Variants in TPRG1 observed in about 807,000 individuals in gnomAD.
TPRG1 encodes tumor protein p63 regulated 1.
In TPRG1, 29 loss-of-function variants were observed where a neutral mutation model predicts 29.3. The ratio of observed to expected loss-of-function variants is 0.99; its 90% CI spans 0.74 to 1.35. TPRG1 has a LOEUF of 1.35. TPRG1 is among the 40% of genes most tolerant of loss of function. The pLI is 0.00. For missense variants in TPRG1, 327 were observed against 335.0 expected (o/e 0.98, Z 0.19); for synonymous variants, 130 against 116.8 (o/e 1.11, Z -0.73).
intron 3 of TPRG1, among the ~76,000 whole-genome samples, chr3:189,136,655 C>T (rs1723782448): frequency 6.6e-6 from 1 of 152,196 alleles, no homozygotes; most frequent in Non-Finnish European, 1.5e-5. Context: ...ACAGCTAGGT[C>T]TCTGCCCTGC....
chr3:189,049,138 G>A (rs978278199), intron 4 of TPRG1, among the ~76,000 whole-genome samples: 3 of 152,134 alleles, frequency 2.0e-5, no homozygotes, highest in Admixed American at 1.3e-4. Context: ...AAAGCCTCCC[G>A]GCCACAACTA....
In TPRG1 at chr3:189,203,335, A is replaced by AT. The variant is rs59584844; in HGVS notation, c.-9-4031dup. ...GTACTTCCTTAAGGCTTTATTTGGG[A>AT]TTTTTTTTTTAATGCTAAAAAAATC... On this transcript the variant is annotated intron_variant, in intron 1 of 5. Coordinates refer to ENST00000345063, the MANE Select transcript of TPRG1 (RefSeq NM_198485.4). 1.3e-3 allele frequency among the ~76,000 whole-genome samples: 189 copies of AT among 148,884 alleles called. 2 individuals carry two copies. In the East Asian group the frequency reaches 0.016, roughly 12 times the overall value.
At chr3:189,059,189 C>T (rs1041906435) in intron 4 of TPRG1, among the ~76,000 whole-genome samples, 1 of 152,110 alleles carries the variant, frequency 6.6e-6, no homozygotes, top group African/African-American at 2.4e-5. Context: ...GAAGTAGTCC[C>T]AAGTTTCCAA....
intron 4 of TPRG1, among the ~76,000 whole-genome samples, chr3:189,291,793 A>G (rs988764909): frequency 1.3e-5 from 2 of 152,364 alleles, no homozygotes; most frequent in Non-Finnish European, 2.9e-5. Context: ...CCTGATCATT[A>G]AGCAGGGCAA....
chr3:189,169,752 G>A (rs938975806), upstream of TPRG1, among the ~76,000 whole-genome samples: 18 of 152,178 alleles, frequency 1.2e-4, no homozygotes, highest in Admixed American at 1.1e-3. Flanking sequence ...TCCCTCAACA[G>A]CCCAGGGAGG....
chr3:189,085,207 A>C (rs950500774), intron 4 of TPRG1, among the ~76,000 whole-genome samples: 9 of 152,320 alleles, frequency 5.9e-5, no homozygotes, highest in African/African-American at 2.2e-4. Context: ...TAGGTACATT[A>C]CGGTCCTATA....
intron 4 of TPRG1, among the ~76,000 whole-genome samples, chr3:189,060,486 A>T (rs1161723555): frequency 6.6e-6 from 1 of 152,214 alleles, no homozygotes; most frequent in African/African-American, 2.4e-5. Context: ...CCAAATTGGA[A>T]GAGAGGAAGT....
At chr3:189,094,155 T>A (rs1470475145) in intron 4 of TPRG1, among the ~76,000 whole-genome samples, 1 of 151,960 alleles carries the variant, frequency 6.6e-6, no homozygotes, top group African/African-American at 2.4e-5. Context: ...ATCAGATGAG[T>A]CCTAAACAGA....
intron 1 of TPRG1, among the ~76,000 whole-genome samples, chr3:189,194,443 A>T (rs1732212816): frequency 6.6e-6 from 1 of 152,188 alleles, no homozygotes; most frequent in Non-Finnish European, 1.5e-5. Flanking sequence ...GCTCAGTGTT[A>T]CATGAACCTA....
chr3:189,301,608 C>A (rs1001342515), intron 4 of TPRG1, among the ~76,000 whole-genome samples: 1 of 152,116 alleles, frequency 6.6e-6, no homozygotes, highest in Non-Finnish European at 1.5e-5. Context: ...CATTACCACC[C>A]AATCTTTGAT....
At chr3:189,195,454 A>G (rs1732380329) in intron 1 of TPRG1, among the ~76,000 whole-genome samples, 1 of 151,856 alleles carries the variant, frequency 6.6e-6, no homozygotes, top group African/African-American at 2.4e-5. Flanking sequence ...ATATTTGGCC[A>G]CTGGTCTGCG....
intron 4 of TPRG1, among the ~76,000 whole-genome samples, chr3:189,077,180 C>T (rs556986369): frequency 6.6e-6 from 1 of 152,162 alleles, no homozygotes; most frequent in African/African-American, 2.4e-5. Context: ...TAGGAATTTA[C>T]TCAAGATGTA....
chr3:189,049,909 A>C (rs962194148), intron 4 of TPRG1, among the ~76,000 whole-genome samples: 5 of 152,186 alleles, frequency 3.3e-5, no homozygotes, highest in African/African-American at 1.2e-4. Context: ...AACCTATCAA[A>C]ACCTCTGGGA....
chr3:189,135,471 A>C (rs998269412), intron 3 of TPRG1, among the ~76,000 whole-genome samples: 6 of 152,210 alleles, frequency 3.9e-5, no homozygotes, highest in Admixed American at 2.6e-4. Context: ...ACAAGCTAAA[A>C]CCTAGTCCTC....
At chr3:189,254,510 C>G (rs1210726164) in intron 4 of TPRG1, among the ~76,000 whole-genome samples, 3 of 152,028 alleles carry the variant, frequency 2.0e-5, no homozygotes, top group African/African-American at 7.2e-5. Flanking sequence ...ATGGGCTCAT[C>G]TTTGGTTCCA....
chr3:189,199,374 C>T (rs769100014), intron 1 of TPRG1, among the ~76,000 whole-genome samples: 13 of 152,160 alleles, frequency 8.5e-5, no homozygotes, highest in Admixed American at 3.9e-4. Context: ...CTTGTAGACT[C>T]GTTGAGCTGG....
At chr3:189,278,536 A>G (rs1420305026) in intron 4 of TPRG1, among the ~76,000 whole-genome samples, 1 of 152,224 alleles carries the variant, frequency 6.6e-6, no homozygotes, top group African/African-American at 2.4e-5. Context: ...TCTGTAGTCC[A>G]TATGCTTGTT....
chr3:189,266,439 C>G (rs749697198), intron 4 of TPRG1, among the ~76,000 whole-genome samples: 1 of 152,188 alleles, frequency 6.6e-6, no homozygotes, highest in Non-Finnish European at 1.5e-5. Flanking sequence ...TCATCATTCA[C>G]TCAACTCAAG....
At chr3:189,184,765 T>G (rs1730691297) in intron 1 of TPRG1, among the ~76,000 whole-genome samples, 1 of 152,210 alleles carries the variant, frequency 6.6e-6, no homozygotes, top group Admixed American at 6.5e-5. Flanking sequence ...TTCTTCTTAT[T>G]CCTCTGCCCT....
Sources: gnomAD v4.1 joint callset for allele counts (sites outside exome capture counted in the v4.1 genomes callset) on GRCh38, gnomAD v4.1.1 for gene constraint, MANE v1.5 for transcripts, NCBI Gene and HGNC (gene_info 2026-07-23, HGNC 2026-07-21) for gene names.